Variants in KIF15 observed in about 807,000 individuals in gnomAD.
The protein encoded by KIF15 is kinesin family member 15.
In KIF15, 140 loss-of-function variants were observed where a neutral mutation model predicts 190.6. That is an observed-to-expected ratio of 0.73 (90% CI 0.64 to 0.84). The LOEUF (loss-of-function observed/expected upper bound fraction) is 0.84, where lower values mean the gene tolerates loss of function less well. Ranked by LOEUF, KIF15 falls within the 40% of genes least tolerant of loss-of-function variation. The probability of loss-of-function intolerance (pLI) is 0.00; values close to 1 mark genes in which losing one functional copy is unlikely to be tolerated. For missense variants in KIF15, 1,372 were observed against 1,584.4 expected (o/e 0.87, Z 2.28); for synonymous variants, 528 against 551.3 (o/e 0.96, Z 0.59).
At chr3:44,833,034 T>C (rs1003523637) in intron 26 of KIF15, among the ~76,000 whole-genome samples, 1 of 147,862 alleles carries the variant, frequency 6.8e-6, no homozygotes, top group Admixed American at 6.7e-5. Flanking sequence ...AAAAAGAAGA[T>C]TAAAGTAGAC....
chr3:44,784,966 G>T, intron 6 of KIF15, 24 bp downstream of exon 6: 1 of 1,287,562 alleles, frequency 7.8e-7, no homozygotes, highest in South Asian at 1.3e-5. Context: ...AAAATAAAGT[G>T]GTTCTATGAA....
chr3:44,806,092 G>A (rs1707486366), intron 16 of KIF15, 106 bp downstream of exon 16: 1 of 1,274,826 alleles, frequency 7.8e-7, no homozygotes, highest in Non-Finnish European at 1.1e-6. Flanking sequence ...GACATCCCAT[G>A]CAGGTAATTA....
chr3:44,818,726 A>C (rs932938370), intron 20 of KIF15, among the ~76,000 whole-genome samples: 37 of 152,192 alleles, frequency 2.4e-4, no homozygotes, highest in African/African-American at 8.4e-4. Context: ...TGTCTCTGCC[A>C]GGCTTTGGTA....
chr3:44,776,303 T>C (rs1198270083), intron 3 of KIF15, among the ~76,000 whole-genome samples: 1 of 151,686 alleles, frequency 6.6e-6, no homozygotes, highest in African/African-American at 2.4e-5. Context: ...ATGCCTGTTA[T>C]CCCAGCTACT....
chr3:44,799,645 G>T (rs1272512599), intron 10 of KIF15, among the ~76,000 whole-genome samples: 1 of 148,272 alleles, frequency 6.7e-6, no homozygotes, highest in African/African-American at 2.5e-5. Context: ...CCCCACTCTT[G>T]ACATCCTGCC....
Position 44,839,828 on chromosome 3 carries a change from A to G in KIF15, c.3319-527A>G, listed in dbSNP as rs576741718. Among the ~76,000 whole-genome samples the G allele has an allele frequency of 2.6e-5, 4 of 152,288 alleles. No homozygotes were observed. In the East Asian group the frequency reaches 7.7e-4, roughly 29 times the overall value. On this transcript the variant is annotated intron_variant, in intron 27 of 34. Transcript: ENST00000326047. ...ACTTGGAACAGTGTCCTCCAGGTTC[A>G]TCCATGTTGTCACAAATGACAGAAT...
At chr3:44,859,649 AC>A in intron 6 of KIF15, among the ~76,000 whole-genome samples, 1 of 152,138 alleles carries the variant, frequency 6.6e-6, no homozygotes, top group South Asian at 2.1e-4. Context: ...ACAGAGCAGG[AC>A]CCTGTCTCAA....
downstream of KIF15, among the ~76,000 whole-genome samples, chr3:44,858,166 C>T (rs766263611): frequency 8.6e-5 from 13 of 152,036 alleles, no homozygotes; most frequent in Non-Finnish European, 1.9e-4. Context: ...TCTTTAAGAT[C>T]AAGAATGGAA....
chr3:44,761,934 G>C (rs1177484622), intron 1 of KIF15, 50 bp downstream of exon 1: 4 of 1,613,276 alleles, frequency 2.5e-6, no homozygotes, highest in Non-Finnish European at 3.4e-6. Flanking sequence ...CCCAAATACA[G>C]CTGTGAAAGG....
At position 44,804,915 on chromosome 3, in the gene KIF15, G is replaced by C. The variant is rs1406541049; in HGVS notation, c.1688-112G>C. ...CTTGAGACCAGAATTTGGGGCTTTA[G>C]TACACTATGATCATGCTTGTGAATA... On this transcript the variant is annotated intron_variant, in intron 14 of 34. Transcript: ENST00000326047. The C allele has an allele frequency of 2.6e-6, 3 of 1,160,614 alleles. No homozygotes were observed. In the East Asian group the frequency reaches 7.8e-5, roughly 30 times the overall value. 71.9% of individuals were successfully genotyped at this position (1,160,614 alleles called of 1,614,324 possible).
intron 6 of KIF15, among the ~76,000 whole-genome samples, chr3:44,861,298 T>C (rs1699241370): frequency 6.6e-6 from 1 of 152,232 alleles, no homozygotes; most frequent in South Asian, 2.1e-4. Flanking sequence ...GCCGGAAACA[T>C]TCTAAACATA....
intron 16 of KIF15, among the ~76,000 whole-genome samples, chr3:44,806,321 A>G (rs1000034324): frequency 1.3e-5 from 2 of 152,206 alleles, no homozygotes; most frequent in African/African-American, 4.8e-5. Flanking sequence ...ACTAAATGAG[A>G]TAGATAAGCT....
Position 44,767,106 on chromosome 3 carries a change from G to A in KIF15, c.19+5222G>A, listed in dbSNP as rs189951632. Among the ~76,000 whole-genome samples the A allele has an allele frequency of 3.3e-3, 504 of 151,930 alleles. 2 individuals carry two copies. Among genetic ancestry groups the A allele is most frequent in the Non-Finnish European group, 4.3e-3 (295 of 67,902 alleles). On this transcript the variant is annotated intron_variant, in intron 1 of 34. Coordinates refer to ENST00000326047, the MANE Select transcript of KIF15 (RefSeq NM_020242.3). ...ATTACAGGTGTGAGCCACCGTGCCC[G>A]GCCAACTTTCTTTTTTTAAATTTCA...
At chr3:44,770,785 C>T (rs1435884934) in intron 1 of KIF15, among the ~76,000 whole-genome samples, 1 of 152,198 alleles carries the variant, frequency 6.6e-6, no homozygotes, top group Non-Finnish European at 1.5e-5. Flanking sequence ...GACAAACATG[C>T]TCCAAATTTT....
At chr3:44,790,695 C>CTTTT (rs56414094) in intron 7 of KIF15, among the ~76,000 whole-genome samples, 21 of 97,926 alleles carry the variant, frequency 2.1e-4, no homozygotes, top group Non-Finnish European at 3.5e-4. Context: ...TTTTCTGTTT[C>CTTTT]TTTTTTTTTT....
downstream of KIF15, among the ~76,000 whole-genome samples, chr3:44,855,552 T>A (rs912172196): frequency 7.9e-5 from 12 of 151,910 alleles, no homozygotes; most frequent in South Asian, 1.7e-3. Context: ...GGCGAAAAAT[T>A]TTGGGGGTGG....
At chr3:44,778,347 G>T (rs764478112) in intron 4 of KIF15, among the ~76,000 whole-genome samples, 156 bp downstream of exon 4, 3 of 152,204 alleles carry the variant, frequency 2.0e-5, no homozygotes, top group Non-Finnish European at 2.9e-5. Flanking sequence ...TCTCTCACAG[G>T]TAAAATCAAG....
intron 6 of KIF15, chr3:44,864,380 T>C (rs376739462): frequency 1.2e-6 from 2 of 1,612,420 alleles, no homozygotes; most frequent in African/African-American, 2.7e-5. Context: ...TTGTCCTAAA[T>C]CTGGGTTCTG....
chr3:44,838,150 C>G lies in KIF15; in HGVS notation c.3172-125C>G, dbSNP rs911611303. 13 of 939,416 alleles carry G rather than the reference C, an allele frequency of 1.4e-5. No individual in the cohort carries two copies. In the Admixed American group the frequency reaches 2.9e-4, roughly 21 times the overall value. 58.2% of individuals were successfully genotyped at this position (939,416 alleles called of 1,614,324 possible). ...CTTTGTCTTAGAATGGATTAGCACACAAGCAAAAGAAATAGGTTTTTACAT... is the reference window on the plus strand; with the variant it reads ...CTTTGTCTTAGAATGGATTAGCACAGAAGCAAAAGAAATAGGTTTTTACAT... On this transcript the variant is annotated intron_variant, in intron 26 of 34. Coordinates refer to ENST00000326047, the MANE Select transcript of KIF15 (RefSeq NM_020242.3).
Sources: allele counts gnomAD v4.1 joint callset (sites outside exome capture counted in the v4.1 genomes callset), GRCh38; gene constraint gnomAD v4.1.1; transcripts MANE v1.5; gene names NCBI Gene and HGNC (gene_info 2026-07-23, HGNC 2026-07-21).